Variants in TRAF3IP1 observed in about 807,000 individuals in gnomAD.
TRAF3IP1 encodes the protein TRAF3-interacting protein 1.
A neutral mutation model predicts 89.9 loss-of-function variants in TRAF3IP1; 53 were observed. The observed-to-expected ratio is 0.59, with a 90% CI of 0.47 to 0.74. The LOEUF (loss-of-function observed/expected upper bound fraction) is 0.74, where lower values mean the gene tolerates loss of function less well. Among genes scored for constraint, TRAF3IP1 ranks in the 30% least tolerant of loss-of-function variants. The pLI, the probability that TRAF3IP1 is intolerant of heterozygous loss-of-function variation, is 0.00. For missense variants in TRAF3IP1, 806 were observed against 866.1 expected (o/e 0.93, Z 0.87); for synonymous variants, 311 against 322.1 (o/e 0.97, Z 0.37).
chr2:238,346,050 C>T lies in TRAF3IP1; in HGVS notation c.1262-1405C>T, dbSNP rs141015123. Among the ~76,000 whole-genome samples, 414 of 152,240 alleles carry T rather than the reference C, an allele frequency of 2.7e-3. 2 individuals carry two copies. The highest frequency in any genetic ancestry group is 9.4e-3 in the African/African-American group (391 of 41,528). On this transcript the variant is annotated intron_variant, in intron 9 of 16. Coordinates refer to ENST00000373327, the MANE Select transcript of TRAF3IP1 (RefSeq NM_015650.4). ...TTTGAGTGCTGTGTTAATCCAGGGT[C>T]TGTTCCTAACACCCTGGTGTTTTGA... is the stretch of plus-strand genomic sequence containing the variant.
chr2:238,373,927 C>G (rs1020596422), intron 15 of TRAF3IP1, among the ~76,000 whole-genome samples: 1 of 151,960 alleles, frequency 6.6e-6, no homozygotes, highest in African/African-American at 2.4e-5. Context: ...TGATTTGGCT[C>G]TCTGTCTGTT....
chr2:238,384,378 A>ATGTATGTATG (rs71402786), intron 15 of TRAF3IP1, among the ~76,000 whole-genome samples: 1 of 85,972 alleles, frequency 1.2e-5, no homozygotes, highest in Non-Finnish European at 2.7e-5. Context: ...GTATGTATGT[A>ATGTATGTATG]TGTATATATA....
Position 238,320,793 on chromosome 2 carries a change from C to A in TRAF3IP1, c.123+8C>A. 1 of 1,408,536 alleles carries A rather than the reference C, an allele frequency of 7.1e-7. No homozygotes were observed. Among genetic ancestry groups the A allele is most frequent in the Non-Finnish European group, 9.4e-7 (1 of 1,065,366 alleles). 87.3% of individuals were successfully genotyped at this position (1,408,536 alleles called of 1,614,324 possible). ...CACGACATCATCACGGAGGTGGGCG[C>A]CGGGGACCGGGCCCGGCCAGGTGCG... On this transcript the variant is annotated splice_region_variant and intron_variant, in intron 1 of 16. Coordinates refer to ENST00000373327, the MANE Select transcript of TRAF3IP1 (RefSeq NM_015650.4).
chr2:238,340,781 C>CAT (rs113970221), intron 8 of TRAF3IP1, among the ~76,000 whole-genome samples: 17,766 of 151,382 alleles, frequency 0.12, 1,775 homozygotes, highest in African/African-American at 0.27. Flanking sequence ...ACTAGTTTTA[C>CAT]GTTTGCCATT....
chr2:238,376,312 A>G (rs538774497), intron 15 of TRAF3IP1, among the ~76,000 whole-genome samples: 2 of 152,328 alleles, frequency 1.3e-5, no homozygotes, highest in East Asian at 3.8e-4. Context: ...CATGGGCTAT[A>G]GAGAAATCCA....
chr2:238,327,089 C>T (rs1295424871), intron 3 of TRAF3IP1, among the ~76,000 whole-genome samples: 1 of 152,380 alleles, frequency 6.6e-6, no homozygotes, highest in South Asian at 2.1e-4. Flanking sequence ...CTACTTCTCT[C>T]CCTTCAGATC....
chr2:238,327,091 C>T (rs1697874990), intron 3 of TRAF3IP1, among the ~76,000 whole-genome samples: 1 of 152,258 alleles, frequency 6.6e-6, no homozygotes, highest in Non-Finnish European at 1.5e-5. Flanking sequence ...ACTTCTCTCC[C>T]TTCAGATCCT....
chr2:238,376,705 ATACTG>A (rs1177872082), intron 15 of TRAF3IP1, among the ~76,000 whole-genome samples: 1 of 152,166 alleles, frequency 6.6e-6, no homozygotes. Flanking sequence ...GCTATTATAA[ATACTG>A]TATATTTATT....
At chr2:238,370,488 C>G (rs1255164334) in intron 15 of TRAF3IP1, among the ~76,000 whole-genome samples, 1 of 152,106 alleles carries the variant, frequency 6.6e-6, no homozygotes, top group East Asian at 1.9e-4. Context: ...TGTCTGTGCC[C>G]TCCCTACCTG....
At chr2:238,378,399 G>T (rs1182575967) in intron 15 of TRAF3IP1, among the ~76,000 whole-genome samples, 3 of 152,254 alleles carry the variant, frequency 2.0e-5, no homozygotes, top group African/African-American at 7.2e-5. Flanking sequence ...CATTCAGTCA[G>T]AAACGAATGA....
chr2:238,356,035 GAA>G lies in TRAF3IP1; in HGVS notation c.1646_1647del (p.Lys549ArgfsTer3). 6.2e-7 allele frequency: 1 copy of G among 1,613,822 alleles called. No individual in the cohort carries two copies. Among genetic ancestry groups the G allele is most frequent in the Non-Finnish European group, 8.5e-7 (1 of 1,179,756 alleles). Reference sequence around the variant, plus strand: ...TTGTGAAAAAAATTTTGGAGACGAAGAAAGATTATGAGAAATTGCAGCAGTCA... The same window carrying G: ...TTGTGAAAAAAATTTTGGAGACGAAGAGATTATGAGAAATTGCAGCAGTCA... Reference protein sequence around the residue: ...GLVKKILETKKDYEKLQQSPK... With the variant: ...GLVKKILETKXDYEKLQQSPK... On this transcript the variant is annotated frameshift_variant, in exon 15 of 17. Coordinates refer to ENST00000373327, the MANE Select transcript of TRAF3IP1 (RefSeq NM_015650.4). LOFTEE classifies it high-confidence loss of function.
intron 8 of TRAF3IP1, among the ~76,000 whole-genome samples, chr2:238,340,846 T>G (rs200969651): frequency 0.1 from 15,104 of 150,066 alleles, 1,273 homozygotes; most frequent in African/African-American, 0.23. Context: ...TATATATATA[T>G]AGAGAGAGAG....
In TRAF3IP1 at chr2:238,391,469, C is replaced by A. The variant is rs114971998; in HGVS notation, c.1690-5990C>A. On this transcript the variant is annotated intron_variant, in intron 15 of 16. Coordinates refer to ENST00000373327, the MANE Select transcript of TRAF3IP1 (RefSeq NM_015650.4). Reference sequence around the variant, plus strand: ...TAAAGCAAATAATCACGGCTTGATGCGTTCACGCTGCCCCTGCTGTGTTAA... The same window carrying A: ...TAAAGCAAATAATCACGGCTTGATGAGTTCACGCTGCCCCTGCTGTGTTAA... 8.2e-3 allele frequency among the ~76,000 whole-genome samples: 1,254 copies of A among 152,312 alleles called. 7 individuals carry two copies. The highest frequency in any genetic ancestry group is 0.012 in the Non-Finnish European group (811 of 68,020).
intron 15 of TRAF3IP1, among the ~76,000 whole-genome samples, chr2:238,393,483 C>T (rs142015943): frequency 2.6e-5 from 4 of 152,236 alleles, no homozygotes; most frequent in African/African-American, 9.6e-5. Context: ...CTGTGACTTA[C>T]CTTTGCGGCT....
In TRAF3IP1 at chr2:238,345,464, C is replaced by T. The variant is rs1698848700; in HGVS notation, c.1261+866C>T. 6.6e-6 allele frequency among the ~76,000 whole-genome samples: 1 copy of T among 152,246 alleles called. No individual in the cohort carries two copies. Among genetic ancestry groups the T allele is most frequent in the African/African-American group, 2.4e-5 (1 of 41,472 alleles). On this transcript the variant is annotated intron_variant, in intron 9 of 16. Transcript: ENST00000373327. This position sits in a 1 kb window ranked among gnomAD's most constrained non-coding sequence, Gnocchi z 4.7. ...GGATGCGACTGCAGCAGGGCTGGCT[C>T]AGCCCAGAGGAAGGGCCAGAGCCAG...
chr2:238,338,792 C>G (rs185452322), intron 8 of TRAF3IP1, among the ~76,000 whole-genome samples: 3 of 152,268 alleles, frequency 2.0e-5, no homozygotes, highest in Admixed American at 1.3e-4. Context: ...ATGTCTTCGT[C>G]CTGCTCTGCT....
At chr2:238,355,979 C>T (rs1699385995) in intron 14 of TRAF3IP1, 25 bp from the exon 15 acceptor site, 1 of 1,587,012 alleles carries the variant, frequency 6.3e-7, no homozygotes, top group Admixed American at 1.7e-5. Context: ...AAACTTTTAA[C>T]ATAAAATCAC....
chr2:238,366,104 C>T (rs769997176), intron 15 of TRAF3IP1, among the ~76,000 whole-genome samples: 2 of 151,886 alleles, frequency 1.3e-5, no homozygotes, highest in Admixed American at 1.3e-4. Flanking sequence ...GGGTGGCAGG[C>T]GCCTGTAGTC....
chr2:238,330,006 T>A (rs1698041976), intron 5 of TRAF3IP1, among the ~76,000 whole-genome samples: 1 of 152,242 alleles, frequency 6.6e-6, no homozygotes, highest in African/African-American at 2.4e-5. Flanking sequence ...TTTGCCAAGT[T>A]GCTCTTGTCC....
Sources: gnomAD v4.1 joint callset for allele counts (sites outside exome capture counted in the v4.1 genomes callset) on GRCh38, gnomAD v4.1.1 for gene constraint, Gnocchi (gnomAD v3.1) non-coding constraint, MANE v1.5 for transcripts, NCBI Gene and HGNC (gene_info 2026-07-23, HGNC 2026-07-21) for gene names.